Variants in HS3ST4 observed in about 807,000 individuals in gnomAD.
The protein encoded by HS3ST4 is heparan sulfate-glucosamine 3-sulfotransferase 4.
Under a neutral mutation model 29.2 loss-of-function variants are expected in HS3ST4, and 17 were observed. The ratio of observed to expected loss-of-function variants is 0.58; its 90% CI spans 0.40 to 0.87. HS3ST4 has a LOEUF of 0.87. Ranked by LOEUF, HS3ST4 falls within the 40% of genes least tolerant of loss-of-function variation. The pLI is 0.00. For synonymous variants in HS3ST4, 314 were observed against 285.7 expected, an observed-to-expected ratio of 1.10 and a Z score of -1.00; for missense variants, 627 against 634.5, an observed-to-expected ratio of 0.99 and a Z score of 0.13.
chr16:26,115,895 G>A (rs1249327519), intron 1 of HS3ST4, among the ~76,000 whole-genome samples: 1 of 152,190 alleles, frequency 6.6e-6, no homozygotes, highest in Admixed American at 6.5e-5. Context: ...AGCATCTAAG[G>A]CAGGCAACAG....
At chr16:25,903,365 T>TA (rs1968141026) in intron 1 of HS3ST4, among the ~76,000 whole-genome samples, 1 of 130,462 alleles carries the variant, frequency 7.7e-6, no homozygotes, top group South Asian at 2.3e-4. Flanking sequence ...TATGTATATC[T>TA]TATATATATA....
chr16:25,779,186 C>G (rs937948699), intron 1 of HS3ST4, among the ~76,000 whole-genome samples: 1 of 152,206 alleles, frequency 6.6e-6, no homozygotes, highest in Non-Finnish European at 1.5e-5. Flanking sequence ...CCACCCAAAT[C>G]ACCATGCTAC....
intron 1 of HS3ST4, among the ~76,000 whole-genome samples, chr16:25,992,103 T>C (rs1168615961): frequency 6.6e-6 from 1 of 152,186 alleles, no homozygotes; most frequent in Non-Finnish European, 1.5e-5. Context: ...TGGTGCTAAG[T>C]CCTAGGGCTT....
At chr16:26,101,240 C>T (rs1292515850) in intron 1 of HS3ST4, among the ~76,000 whole-genome samples, 2 of 152,202 alleles carry the variant, frequency 1.3e-5, no homozygotes, top group African/African-American at 4.8e-5. Context: ...GGAGCTGCTC[C>T]TTATACCTGG....
intron 1 of HS3ST4, among the ~76,000 whole-genome samples, chr16:26,123,441 C>T (rs1409310282): frequency 2.0e-5 from 3 of 152,178 alleles, no homozygotes; most frequent in Non-Finnish European, 4.4e-5. Flanking sequence ...GTGATTCCTA[C>T]CCTGAAAGTC....
rs535438615 is a variant in HS3ST4 at position 25,822,583 on chromosome 16, T to C, written c.734+129432T>C. On this transcript the variant is annotated intron_variant, in intron 1 of 1. Transcript: ENST00000331351. ...GTGCAGATATTGCCAAGTGTCCCTTTGTGGGAAAGCAAGGTTGCCCTCTGC... is the reference window on the plus strand; with the variant it reads ...GTGCAGATATTGCCAAGTGTCCCTTCGTGGGAAAGCAAGGTTGCCCTCTGC... Among the ~76,000 whole-genome samples the C allele has an allele frequency of 1.5e-3, 236 of 152,308 alleles. 1 individual carries two copies. Among genetic ancestry groups the C allele is most frequent in the Admixed American group, 3.8e-3 (58 of 15,300 alleles).
intron 1 of HS3ST4, among the ~76,000 whole-genome samples, chr16:25,841,097 C>CG (rs1967408135): frequency 6.6e-6 from 1 of 151,806 alleles, no homozygotes; most frequent in African/African-American, 2.4e-5. Context: ...CTCCGCCCCC[C>CG]GGGGTTCATG....
At chr16:25,813,277 A>G (rs1043095662) in intron 1 of HS3ST4, among the ~76,000 whole-genome samples, 1 of 152,228 alleles carries the variant, frequency 6.6e-6, no homozygotes. Flanking sequence ...ACACAAGCCA[A>G]CCAACAAAAT....
At chr16:25,802,762 A>G (rs1468858191) in intron 1 of HS3ST4, among the ~76,000 whole-genome samples, 1 of 152,046 alleles carries the variant, frequency 6.6e-6, no homozygotes, top group Admixed American at 6.6e-5. Context: ...ATCCTCCATC[A>G]AAATGTTGTA....
At chr16:25,761,186 A>G (rs1471968499) in intron 1 of HS3ST4, among the ~76,000 whole-genome samples, 1 of 152,124 alleles carries the variant, frequency 6.6e-6, no homozygotes, top group Non-Finnish European at 1.5e-5. Context: ...CTTCAGTCGT[A>G]TCTTGCCTAT....
chr16:25,884,915 C>G (rs1967934372), intron 1 of HS3ST4, among the ~76,000 whole-genome samples: 1 of 152,118 alleles, frequency 6.6e-6, no homozygotes, highest in Non-Finnish European at 1.5e-5. Flanking sequence ...TTGTTTACCC[C>G]TTAGTGTCCA....
At chr16:25,962,056 A>T (rs1407717422) in intron 1 of HS3ST4, among the ~76,000 whole-genome samples, 1 of 152,208 alleles carries the variant, frequency 6.6e-6, no homozygotes. Flanking sequence ...GCCAGGTTGT[A>T]GTATGTGGTT....
At chr16:25,990,759 G>A (rs530331250) in intron 1 of HS3ST4, among the ~76,000 whole-genome samples, 1 of 152,256 alleles carries the variant, frequency 6.6e-6, no homozygotes, top group South Asian at 2.1e-4. Flanking sequence ...ACCCAAATCT[G>A]CCTGACTCTG....
chr16:25,914,046 G>A (rs1968266981), intron 1 of HS3ST4, among the ~76,000 whole-genome samples: 1 of 145,110 alleles, frequency 6.9e-6, no homozygotes, highest in Admixed American at 6.7e-5. Context: ...GTATGTGTGT[G>A]TGGGGTGTGT....
chr16:26,000,144 A>T (rs140335877), intron 1 of HS3ST4, among the ~76,000 whole-genome samples: 10 of 152,038 alleles, frequency 6.6e-5, no homozygotes, highest in African/African-American at 2.4e-4. Context: ...TAGACACTCC[A>T]TTTTAGCTTA....
chr16:25,939,324 TATTATC>T (rs1401444598), intron 1 of HS3ST4, among the ~76,000 whole-genome samples: 4,021 of 42,616 alleles, frequency 0.094, 73 homozygotes, highest in African/African-American at 0.18. Context: ...TTATTATTAT[TATTATC>T]ATTATTATTA....
intron 1 of HS3ST4, among the ~76,000 whole-genome samples, chr16:25,991,543 T>C (rs1969113784): frequency 6.6e-6 from 1 of 152,176 alleles, no homozygotes; most frequent in Non-Finnish European, 1.5e-5. Context: ...AAGATTAAGT[T>C]AGTGATTAGC....
chr16:26,111,052 ATTTATTTTAT>A (rs55992209), intron 1 of HS3ST4, among the ~76,000 whole-genome samples: 3 of 149,204 alleles, frequency 2.0e-5, no homozygotes, highest in Non-Finnish European at 3.0e-5. Flanking sequence ...GTAGGGAAGG[ATTTATTTTAT>A]TTTATTTTAT....
intron 1 of HS3ST4, among the ~76,000 whole-genome samples, chr16:25,846,610 A>G (rs985826862): frequency 2.0e-5 from 3 of 152,080 alleles, no homozygotes; most frequent in African/African-American, 7.2e-5. Context: ...CTTTCAGCCC[A>G]CAGATATTTA....
Sources: gnomAD v4.1 joint callset for allele counts (sites outside exome capture counted in the v4.1 genomes callset) on GRCh38, gnomAD v4.1.1 for gene constraint, MANE v1.5 for transcripts, NCBI Gene and HGNC (gene_info 2026-07-23, HGNC 2026-07-21) for gene names.